Variants in RAP1A observed in about 807,000 individuals in gnomAD.
The protein encoded by RAP1A is ras-related protein Rap-1A.
RAP1A carries 6 observed loss-of-function variants against 26.4 expected under a neutral mutation model. That is an observed-to-expected ratio of 0.23 (90% confidence interval 0.12 to 0.45). The LOEUF is 0.45. RAP1A is among the 20% of genes least tolerant of loss of function. The pLI is 0.99. For synonymous variants in RAP1A, 73 were observed against 79.4 expected, an observed-to-expected ratio of 0.92 and a Z score of 0.43; for missense variants, 121 against 217.2, an observed-to-expected ratio of 0.56 and a Z score of 2.78.
intron 1 of RAP1A, among the ~76,000 whole-genome samples, chr1:111,609,315 G>A (rs952017830): frequency 5.3e-5 from 8 of 152,032 alleles, no homozygotes; most frequent in African/African-American, 1.9e-4. Context: ...CTTCAATCAG[G>A]TCCCTGGCAC....
At chr1:111,578,927 G>A (rs1571480676) in intron 1 of RAP1A, among the ~76,000 whole-genome samples, 1 of 152,186 alleles carries the variant, frequency 6.6e-6, no homozygotes, top group East Asian at 1.9e-4. Context: ...GGAATTCAGG[G>A]AAACATTTAC....
At chr1:111,564,085 A>C (rs767437412) in intron 1 of RAP1A, 74 of 620,328 alleles carry the variant, frequency 1.2e-4, no homozygotes, top group Non-Finnish European at 1.9e-4. Flanking sequence ...ATACTCATAA[A>C]GCCTTAAGCT....
chr1:111,636,813 G>C (rs758538570), intron 1 of RAP1A, among the ~76,000 whole-genome samples: 9 of 152,082 alleles, frequency 5.9e-5, no homozygotes, highest in Non-Finnish European at 1.3e-4. Flanking sequence ...TAAAGGAAAG[G>C]GGTGAGTTGA....
intron 1 of RAP1A, among the ~76,000 whole-genome samples, chr1:111,552,151 C>A (rs1657286576): frequency 6.6e-6 from 1 of 152,222 alleles, no homozygotes; most frequent in South Asian, 2.1e-4. Context: ...TAGGGCTGGG[C>A]AAGCTCTGAA....
intron 1 of RAP1A, among the ~76,000 whole-genome samples, chr1:111,555,675 C>G (rs1258758220): frequency 6.6e-6 from 1 of 152,066 alleles, no homozygotes; most frequent in Non-Finnish European, 1.5e-5. Context: ...GAGATACTGT[C>G]TTTTCAACAA....
intron 2 of RAP1A, among the ~76,000 whole-genome samples, chr1:111,692,136 G>A (rs112298818): frequency 0.031 from 4,677 of 152,244 alleles, 115 homozygotes; most frequent in Non-Finnish European, 0.045. Context: ...GTAAGTGGTA[G>A]AACTGACATA....
upstream of RAP1A, among the ~76,000 whole-genome samples, chr1:111,616,368 T>C (rs1351685187): frequency 6.6e-6 from 1 of 152,190 alleles, no homozygotes; most frequent in African/African-American, 2.4e-5. Flanking sequence ...ATGGTTCACA[T>C]ATACCGTGAT....
rs1358325670 is a variant in RAP1A, at chr1:111,543,637, A to T, written c.-28+1128A>T. The stretch of plus-strand genomic sequence containing the variant: ...GAAGAGAAGGAGGAATAGGAGGAGG[A>T]AGAGAAGGAGGAATAGGAGGAGGAA... On this transcript the variant is annotated intron_variant, in intron 1 of 7. Transcript: ENST00000356415. Among the ~76,000 whole-genome samples the T allele has an allele frequency of 4.0e-5, 6 of 149,612 alleles. No homozygotes were observed. The East Asian group carries it at 9.8e-4, about 25-fold the overall frequency.
At chr1:111,699,758 G>A (rs1176778337) in intron 4 of RAP1A, among the ~76,000 whole-genome samples, 1 of 151,812 alleles carries the variant, frequency 6.6e-6, no homozygotes, top group Non-Finnish European at 1.5e-5. Flanking sequence ...GTGAGCCACT[G>A]CACCCAGGCC....
chr1:111,666,643 T>TA (rs35204143), intron 1 of RAP1A, among the ~76,000 whole-genome samples: 46,209 of 148,042 alleles, frequency 0.31, 7,321 homozygotes, highest in East Asian at 0.46. Flanking sequence ...CACAGAGATT[T>TA]AAAAAAAAAA....
At chr1:111,705,198 T>C (rs1379317445) in intron 6 of RAP1A, among the ~76,000 whole-genome samples, 1 of 152,218 alleles carries the variant, frequency 6.6e-6, no homozygotes, top group Non-Finnish European at 1.5e-5. Context: ...AATAGTTCCC[T>C]TGCTTTTGTT....
At chr1:111,563,427 A>C (rs1259531871) in intron 1 of RAP1A, among the ~76,000 whole-genome samples, 2 of 152,244 alleles carry the variant, frequency 1.3e-5, no homozygotes, top group African/African-American at 4.8e-5. Flanking sequence ...GTGGCTCCTT[A>C]AGTTCTCCAA....
intron 1 of RAP1A, among the ~76,000 whole-genome samples, chr1:111,605,138 TG>T (rs1251620595): frequency 2.0e-5 from 3 of 152,204 alleles, no homozygotes; most frequent in African/African-American, 7.2e-5. Flanking sequence ...GACTATGCTG[TG>T]AAGTGCAGGG....
intron 1 of RAP1A, among the ~76,000 whole-genome samples, chr1:111,598,045 C>T (rs1261859341): frequency 2.0e-5 from 3 of 152,206 alleles, no homozygotes; most frequent in Admixed American, 6.5e-5. Context: ...TTAATTCTCA[C>T]AACTATCCTA....
intron 1 of RAP1A, 72 bp downstream of exon 1, chr1:111,620,006 G>A (rs959048732): frequency 2.5e-6 from 1 of 396,388 alleles, no homozygotes; most frequent in Non-Finnish European, 4.5e-6. Flanking sequence ...AGCCGAGGGT[G>A]AGGCGGCTCA....
chr1:111,655,827 C>T (rs916506562), intron 1 of RAP1A, among the ~76,000 whole-genome samples: 3 of 151,882 alleles, frequency 2.0e-5, no homozygotes, highest in African/African-American at 7.3e-5. Flanking sequence ...GCGCCCACCA[C>T]CACGCCTGGC....
intron 1 of RAP1A, among the ~76,000 whole-genome samples, chr1:111,566,061 G>GA (rs1005557173): frequency 2.0e-5 from 3 of 151,978 alleles, no homozygotes; most frequent in African/African-American, 7.2e-5. Context: ...AGATGAGGAA[G>GA]AAAAAATAAA....
intron 1 of RAP1A, among the ~76,000 whole-genome samples, chr1:111,631,434 C>T (rs1443870449): frequency 1.3e-5 from 2 of 152,006 alleles, no homozygotes; most frequent in Non-Finnish European, 2.9e-5. Flanking sequence ...GAGTGTAGAC[C>T]CCTTACATCC....
At chr1:111,543,315 C>A (rs1334287190) in intron 1 of RAP1A, among the ~76,000 whole-genome samples, 5 of 151,898 alleles carry the variant, frequency 3.3e-5, no homozygotes, top group South Asian at 2.1e-4. Context: ...CAGAGAAGAA[C>A]CTGATTTTGA....
Sources: allele counts gnomAD v4.1 joint callset (sites outside exome capture counted in the v4.1 genomes callset), GRCh38; gene constraint gnomAD v4.1.1; transcripts MANE v1.5; gene names NCBI Gene and HGNC (gene_info 2026-07-23, HGNC 2026-07-21).